ARGLU1: variants seen among roughly 807,000 people sequenced by gnomAD.
The protein encoded by ARGLU1 is arginine and glutamate rich 1.
In ARGLU1, 9 loss-of-function variants were observed where a neutral mutation model predicts 37.6. The observed-to-expected ratio is 0.24, with a 90% CI of 0.14 to 0.42. The LOEUF (loss-of-function observed/expected upper bound fraction) is 0.42, where lower values mean the gene tolerates loss of function less well. Ranked by LOEUF, ARGLU1 falls within the 10% of genes least tolerant of loss-of-function variation. The pLI is 1.00. For missense variants in ARGLU1, 211 were observed against 359.2 expected, an observed-to-expected ratio of 0.59 and a Z score of 3.34; for synonymous variants, 166 against 138.5, an observed-to-expected ratio of 1.20 and a Z score of -1.39.
chr13:106,544,261 T>C, intron 3 of ARGLU1, 101 bp from the exon 4 acceptor site: 2 of 1,035,352 alleles, frequency 1.9e-6, no homozygotes, highest in Non-Finnish European at 2.6e-6. Flanking sequence ...AAAAAAATTT[T>C]TAATGCAAAT....
chr13:106,548,595 T>C (rs1280707451), intron 3 of ARGLU1, among the ~76,000 whole-genome samples: 1 of 152,134 alleles, frequency 6.6e-6, no homozygotes, highest in Non-Finnish European at 1.5e-5. Flanking sequence ...TCCTAGCCAT[T>C]ATGCCCATAA....
chr13:106,553,920 A>C (rs1279127849), intron 3 of ARGLU1, among the ~76,000 whole-genome samples: 1 of 152,178 alleles, frequency 6.6e-6, no homozygotes, highest in East Asian at 1.9e-4. Flanking sequence ...CTGCTACTTT[A>C]CTATAGCTCC....
intron 2 of ARGLU1, chr13:106,558,115 T>C: frequency 2.0e-6 from 2 of 984,852 alleles, no homozygotes; most frequent in Non-Finnish European, 2.4e-6. Flanking sequence ...GAGGGTTGTG[T>C]CCGTGTAAAA....
At chr13:106,554,218 T>C (rs1483012885) in intron 3 of ARGLU1, among the ~76,000 whole-genome samples, 1 of 152,238 alleles carries the variant, frequency 6.6e-6, no homozygotes, top group African/African-American at 2.4e-5. Flanking sequence ...TAAATTATTT[T>C]AAAGCACTTA....
chr13:106,559,874 T>C (rs1594193505), intron 1 of ARGLU1, among the ~76,000 whole-genome samples: 1 of 152,218 alleles, frequency 6.6e-6, no homozygotes, highest in South Asian at 2.1e-4. Context: ...TCCTTTATCA[T>C]ATTCTAAATA....
chr13:106,558,920 T>G (rs970454735), intron 2 of ARGLU1: 1 of 984,600 alleles, frequency 1.0e-6, no homozygotes, highest in South Asian at 4.7e-5. Context: ...GGGGAGGGAG[T>G]GAGGGATAAA....
intron 1 of ARGLU1, among the ~76,000 whole-genome samples, chr13:106,560,382 C>A (rs1245986309): frequency 6.6e-6 from 1 of 152,042 alleles, no homozygotes; most frequent in Admixed American, 6.6e-5. Context: ...TATTATAAAC[C>A]AATTTACTCA....
rs201102697 is a variant in ARGLU1 at position 106,567,728 on chromosome 13, G to C, written c.192C>G (p.Ala64=). ...SRSRSRSTNT[A]VSRRERDRER... The stretch of plus-strand genomic sequence containing the variant: ...CCCGGTCCCGCTCGCGCCGGGACAC[G>C]GCCGTGTTGGTGGAGCGCGAACGGG... Residue 64 remains alanine, a synonymous_variant, in exon 1 of 4, where the codon GCC becomes GCG. Transcript: ENST00000400198. This position sits in a 1 kb window ranked among gnomAD's most constrained non-coding sequence, Gnocchi z 4.3. The C allele has an allele frequency of 6.2e-6, 10 of 1,612,224 alleles. No homozygotes were observed. Among genetic ancestry groups the C allele is most frequent in the Non-Finnish European group, 8.5e-6 (10 of 1,179,308 alleles).
chr13:106,543,843 G>C lies in ARGLU1; in HGVS notation c.*153C>G. Reference sequence around the variant, plus strand: ...GTGGAAGGAAAAAAAAAAAAAAAAAGGGAATTGCAGAGCATAGCCCCTATT... The same window carrying C: ...GTGGAAGGAAAAAAAAAAAAAAAAACGGAATTGCAGAGCATAGCCCCTATT... On this transcript the variant is annotated 3_prime_UTR_variant, in exon 4 of 4. Coordinates refer to ENST00000400198, the MANE Select transcript of ARGLU1 (RefSeq NM_018011.4). 2.0e-6 allele frequency: 1 copy of C among 512,002 alleles called. No homozygotes were observed. Among genetic ancestry groups the C allele is most frequent in the South Asian group, 3.5e-5 (1 of 28,184 alleles). 31.7% of individuals were successfully genotyped at this position (512,002 alleles called of 1,614,324 possible). A position where few individuals can be genotyped will look rare whatever the true frequency, so the allele number is the denominator to read the frequency against.
intron 1 of ARGLU1, among the ~76,000 whole-genome samples, chr13:106,563,973 AT>A (rs1269807202): frequency 6.6e-6 from 1 of 152,116 alleles, no homozygotes; most frequent in African/African-American, 2.4e-5. Flanking sequence ...TCAGTTGTCT[AT>A]TTTTTCAACA....
At position 106,542,595 on chromosome 13, in the gene ARGLU1, C is replaced by T. The variant is rs567658041; in HGVS notation, c.*1401G>A. The stretch of plus-strand genomic sequence containing the variant: ...AAAATAATCTACCATTTAGTCATCT[C>T]TTTAGCTTATGTTTTCAATTTTTAA... On this transcript the variant is annotated 3_prime_UTR_variant, in exon 4 of 4. Transcript: ENST00000400198. The T allele has an allele frequency of 6.6e-6, 1 of 152,026 alleles. No individual in the cohort carries two copies. Among genetic ancestry groups the T allele is most frequent in the African/African-American group, 2.4e-5 (1 of 41,428 alleles). The allele number at this position is 152,026 out of a possible 1,614,324, so 9.4% of individuals were successfully genotyped here.
At chr13:106,563,608 A>C (rs537460777) in intron 1 of ARGLU1, among the ~76,000 whole-genome samples, 1 of 152,234 alleles carries the variant, frequency 6.6e-6, no homozygotes, top group Non-Finnish European at 1.5e-5. Flanking sequence ...GTTCAAGATC[A>C]GCCTGGGAAA....
chr13:106,551,378 A>C (rs1217938254), intron 3 of ARGLU1, among the ~76,000 whole-genome samples: 1 of 152,130 alleles, frequency 6.6e-6, no homozygotes, highest in African/African-American at 2.4e-5. Context: ...AATTCAGCCA[A>C]GCTTTCTATC....
intron 3 of ARGLU1, among the ~76,000 whole-genome samples, chr13:106,546,136 G>A (rs1198026443): frequency 1.3e-5 from 2 of 151,526 alleles, no homozygotes; most frequent in African/African-American, 4.9e-5. Flanking sequence ...CATTTCTTTT[G>A]CCAGCTTCAT....
intron 3 of ARGLU1, among the ~76,000 whole-genome samples, chr13:106,545,803 A>G (rs1705367297): frequency 2.0e-5 from 3 of 152,320 alleles, no homozygotes; most frequent in African/African-American, 7.2e-5. Flanking sequence ...TCAGAATTAC[A>G]AGCAGTGAGA....
chr13:106,556,305 T>G (rs1880660387), intron 3 of ARGLU1, among the ~76,000 whole-genome samples: 1 of 152,246 alleles, frequency 6.6e-6, no homozygotes, highest in Admixed American at 6.5e-5. Context: ...CTAAGTTATC[T>G]GGAATATTTC....
At position 106,557,847 on chromosome 13, in the gene ARGLU1, T is replaced by C; in HGVS notation, c.574-716A>G. The stretch of plus-strand genomic sequence containing the variant: ...CATACTTCATGGAACTACGGGCTTC[T>C]TCCATGGGGAAAATGGACTTAACAT... On this transcript the variant is annotated intron_variant, in intron 2 of 3. Transcript: ENST00000400198. This position sits in a 1 kb window ranked among gnomAD's most constrained non-coding sequence, Gnocchi z 5.0. The C allele has an allele frequency of 1.0e-6, 1 of 985,488 alleles. No homozygotes were observed. Among genetic ancestry groups the C allele is most frequent in the Non-Finnish European group, 1.2e-6 (1 of 829,942 alleles). 61.0% of individuals were successfully genotyped at this position (985,488 alleles called of 1,614,324 possible).
rs1395689885 is a variant in ARGLU1, at chr13:106,567,645, C to T, written c.275G>A (p.Arg92His). ...IDIFGRTVSK[R>H]SSLDEKQKRE... ...CTTCTGCTTCTCGTCCAGGCTGCTG[C>T]GCTTGCTCACCGTGCGCCCGAAGAT... Residue 92 changes from arginine (R) to histidine (H), a missense_variant, in exon 1 of 4, where the codon CGC becomes CAC. This residue lies in a region of ARGLU1 where 130 missense variants were observed against 179.8 expected (regional missense o/e 0.72). Coordinates refer to ENST00000400198, the MANE Select transcript of ARGLU1 (RefSeq NM_018011.4). The surrounding 1 kb of genome is among the most constrained non-coding windows in gnomAD (Gnocchi z 4.3). 6.2e-7 allele frequency: 1 copy of T among 1,613,594 alleles called. No homozygotes were observed. Among genetic ancestry groups the T allele is most frequent in the Admixed American group, 1.7e-5 (1 of 59,998 alleles).
At position 106,567,530 on chromosome 13, in the gene ARGLU1, C is replaced by T; in HGVS notation, c.347+43G>A. On this transcript the variant is annotated intron_variant, in intron 1 of 3. Transcript: ENST00000400198. The surrounding 1 kb of genome is among the most constrained non-coding windows in gnomAD (Gnocchi z 4.3). ...CGGCCCCACGCCCTCGCCCCGCGCC[C>T]TGCTCTCCGCACGCCCCGGTCCCTC... 1 of 1,425,104 alleles carries T rather than the reference C, an allele frequency of 7.0e-7. No homozygotes were observed. The allele number at this position is 1,425,104 out of a possible 1,614,324, so 88.3% of individuals were successfully genotyped here. A position where few individuals can be genotyped will look rare whatever the true frequency, so the allele number is the denominator to read the frequency against.
Sources: allele counts gnomAD v4.1 joint callset (sites outside exome capture counted in the v4.1 genomes callset), GRCh38; gene constraint gnomAD v4.1.1; regional missense constraint gnomAD v4.1.1; non-coding constraint Gnocchi (gnomAD v3.1); transcripts MANE v1.5; gene names NCBI Gene and HGNC (gene_info 2026-07-23, HGNC 2026-07-21).